The following TNKS variants were observed in gnomAD, a reference collection of about 807,000 sequenced individuals.
TNKS encodes the protein tankyrase.
TNKS carries 72 observed loss-of-function variants against 135.8 expected under a neutral mutation model. That is an observed-to-expected ratio of 0.53 (90% CI 0.44 to 0.64). The LOEUF is 0.64. TNKS is among the 30% of genes least tolerant of loss of function. The pLI is 0.00. For synonymous variants in TNKS, 849 were observed against 649.3 expected (o/e 1.31, Z -4.68); for missense variants, 1,769 against 1,674.0 (o/e 1.06, Z -0.99).
At chr8:9,610,218 C>T (rs910707230) in intron 2 of TNKS, among the ~76,000 whole-genome samples, 1 of 151,984 alleles carries the variant, frequency 6.6e-6, no homozygotes, top group Non-Finnish European at 1.5e-5. Context: ...AAATAAAATA[C>T]ATTAGCTTGA....
At chr8:9,617,606 A>T (rs577379151) in intron 3 of TNKS, among the ~76,000 whole-genome samples, 123 of 152,326 alleles carry the variant, frequency 8.1e-4, no homozygotes, top group African/African-American at 2.8e-3. Context: ...TTTTCTGCCC[A>T]TACAGGTTCT....
chr8:9,772,731 C>A (rs1807984843), intron 26 of TNKS, among the ~76,000 whole-genome samples: 1 of 151,340 alleles, frequency 6.6e-6, no homozygotes, highest in Non-Finnish European at 1.5e-5. Context: ...AAAATATATA[C>A]TGGCATATTT....
intron 11 of TNKS, 159 bp downstream of exon 11, chr8:9,710,379 A>G: frequency 1.5e-6 from 1 of 674,330 alleles, no homozygotes; most frequent in Non-Finnish European, 2.6e-6. Flanking sequence ...GCTGATTTAG[A>G]TCTTGTTTCT....
intron 3 of TNKS, among the ~76,000 whole-genome samples, chr8:9,620,264 C>T (rs1397346880): frequency 6.6e-6 from 1 of 152,042 alleles, no homozygotes; most frequent in African/African-American, 2.4e-5. Context: ...CTTTCTTTGC[C>T]TCACACTTTG....
At chr8:9,721,262 C>CAA (rs1217110921) in intron 12 of TNKS, among the ~76,000 whole-genome samples, 2 of 115,550 alleles carry the variant, frequency 1.7e-5, no homozygotes, top group African/African-American at 6.2e-5. Flanking sequence ...AGCCTGGAGA[C>CAA]AGAGTGAAAC....
At chr8:9,668,978 A>G (rs112730373) in intron 3 of TNKS, among the ~76,000 whole-genome samples, 1 of 152,200 alleles carries the variant, frequency 6.6e-6, no homozygotes, top group African/African-American at 2.4e-5. Context: ...ATTATTGAAT[A>G]GGAGAATAAA....
intron 3 of TNKS, among the ~76,000 whole-genome samples, chr8:9,666,686 G>A (rs373655975): frequency 1.3e-4 from 20 of 151,096 alleles, no homozygotes; most frequent in Admixed American, 3.3e-4. Context: ...GTTGCATTGC[G>A]CTCCAGCCTG....
intron 2 of TNKS, among the ~76,000 whole-genome samples, chr8:9,589,156 A>T (rs1292010958): frequency 1.3e-5 from 2 of 152,188 alleles, no homozygotes; most frequent in African/African-American, 4.8e-5. Context: ...GAAGCCTTGA[A>T]ACCTGTATTA....
intron 1 of TNKS, among the ~76,000 whole-genome samples, chr8:9,561,040 T>C (rs952191421): frequency 5.9e-5 from 9 of 152,174 alleles, no homozygotes; most frequent in African/African-American, 1.9e-4. Flanking sequence ...TGTTCAACAA[T>C]AGAGAAATGC....
intron 7 of TNKS, among the ~76,000 whole-genome samples, chr8:9,706,508 G>C (rs1804053279): frequency 6.6e-6 from 1 of 152,138 alleles, no homozygotes; most frequent in African/African-American, 2.4e-5. Flanking sequence ...GATTACAGGG[G>C]TGTGCCACCA....
chr8:9,568,004 T>A (rs971143004), intron 1 of TNKS, among the ~76,000 whole-genome samples: 101 of 152,240 alleles, frequency 6.6e-4, no homozygotes, highest in Non-Finnish European at 2.1e-4. Flanking sequence ...GAGCGTTTCT[T>A]AATATTACTA....
At chr8:9,749,220 C>T (rs560906464) in intron 18 of TNKS, among the ~76,000 whole-genome samples, 1 of 152,204 alleles carries the variant, frequency 6.6e-6, no homozygotes, top group Non-Finnish European at 1.5e-5. Flanking sequence ...TAATCAGCCA[C>T]AGTCTTCCCT....
chr8:9,671,768 T>C (rs1359321804), intron 3 of TNKS, among the ~76,000 whole-genome samples: 1 of 152,216 alleles, frequency 6.6e-6, no homozygotes, highest in Non-Finnish European at 1.5e-5. Context: ...GAAAAATGAA[T>C]AAGAAAAGAC....
chr8:9,649,099 A>G (rs1346154865), intron 3 of TNKS, among the ~76,000 whole-genome samples: 1 of 152,254 alleles, frequency 6.6e-6, no homozygotes, highest in Admixed American at 6.5e-5. Flanking sequence ...TATTATAATC[A>G]TATACATATA....
At chr8:9,671,311 G>T (rs549098923) in intron 3 of TNKS, 2 of 152,294 alleles carry the variant, frequency 1.3e-5, no homozygotes, top group East Asian at 3.9e-4. Context: ...AATGTTGCCA[G>T]TAGCTTTCTT....
intron 18 of TNKS, among the ~76,000 whole-genome samples, chr8:9,749,791 T>A (rs1806424624): frequency 6.6e-6 from 1 of 152,178 alleles, no homozygotes; most frequent in Non-Finnish European, 1.5e-5. Flanking sequence ...CCTCTGTAGC[T>A]CTTGGCCATG....
At chr8:9,753,232 T>C (rs58190269) in intron 20 of TNKS, among the ~76,000 whole-genome samples, 1 of 152,320 alleles carries the variant, frequency 6.6e-6, no homozygotes, top group African/African-American at 2.4e-5. Context: ...GGTTGTTTGT[T>C]TCCGAAAAAT....
chr8:9,722,883 C>T (rs1053742677), intron 12 of TNKS, among the ~76,000 whole-genome samples: 5 of 152,038 alleles, frequency 3.3e-5, no homozygotes, highest in Non-Finnish European at 7.4e-5. Flanking sequence ...ATATCAGATC[C>T]ATATAATACT....
At chr8:9,682,334 C>G (rs905940609) in intron 5 of TNKS, among the ~76,000 whole-genome samples, 1 of 152,112 alleles carries the variant, frequency 6.6e-6, no homozygotes, top group East Asian at 1.9e-4. Flanking sequence ...TTTTCCCTTC[C>G]TTACCCTTCT....
Sources: gnomAD v4.1 joint callset for allele counts (sites outside exome capture counted in the v4.1 genomes callset) on GRCh38, gnomAD v4.1.1 for gene constraint, MANE v1.5 for transcripts, NCBI Gene and HGNC (gene_info 2026-07-23, HGNC 2026-07-21) for gene names.